The following MLLT1 variants were observed in gnomAD, a reference collection of about 807,000 sequenced individuals.
MLLT1 encodes protein ENL.
In MLLT1, 11 loss-of-function variants were observed where a neutral mutation model predicts 55.1. The observed-to-expected ratio is 0.20, with a 90% CI of 0.13 to 0.33. The LOEUF (loss-of-function observed/expected upper bound fraction) is 0.33, where lower values mean the gene tolerates loss of function less well. Among genes scored for constraint, MLLT1 ranks in the 10% least tolerant of loss-of-function variants. The probability of loss-of-function intolerance (pLI) is 1.00; values close to 1 mark genes in which losing one functional copy is unlikely to be tolerated. For synonymous variants in MLLT1, 323 were observed against 320.1 expected, an observed-to-expected ratio of 1.01 and a Z score of -0.10; for missense variants, 536 against 760.6, an observed-to-expected ratio of 0.70 and a Z score of 3.47.
At chr19:6,236,794 C>T (rs1252621713) in intron 3 of MLLT1, among the ~76,000 whole-genome samples, 2 of 152,232 alleles carry the variant, frequency 1.3e-5, no homozygotes, top group South Asian at 2.1e-4. Flanking sequence ...GCCCCTGAGG[C>T]CTGGCAGCAG....
chr19:6,215,748 C>T (rs2090836292), intron 8 of MLLT1, among the ~76,000 whole-genome samples: 1 of 152,186 alleles, frequency 6.6e-6, no homozygotes, highest in African/African-American at 2.4e-5. Context: ...GGCTCTGCTA[C>T]AGCTTTGGAA....
chr19:6,233,392 C>T lies in MLLT1; in HGVS notation c.277-2679G>A, dbSNP rs552615337. Among the ~76,000 whole-genome samples, 15 of 152,298 alleles carry T rather than the reference C, an allele frequency of 9.8e-5. No individual in the cohort carries two copies. In the East Asian group the frequency reaches 2.5e-3, roughly 25 times the overall value. On this transcript the variant is annotated intron_variant, in intron 3 of 11. Coordinates refer to ENST00000252674, the MANE Select transcript of MLLT1 (RefSeq NM_005934.4). ...CCGATCCAAGGCCAGCGGGTGTGGC[C>T]GACAGTGACCTTGTGTGGGGAAAGC...
chr19:6,232,891 C>T (rs191643961), intron 3 of MLLT1, among the ~76,000 whole-genome samples: 16 of 152,166 alleles, frequency 1.1e-4, no homozygotes, highest in African/African-American at 3.4e-4. Flanking sequence ...TGCAGTCCAC[C>T]GGGATAAAAA....
In MLLT1 at chr19:6,231,165, A is replaced by C. The variant is rs1229886405; in HGVS notation, c.277-452T>G. ...GACAGACGCAGGACACAGGACACAG[A>C]CTCAAACGACAGCACAGCACCCAGA... On this transcript the variant is annotated intron_variant, in intron 3 of 11. Transcript: ENST00000252674. The surrounding 1 kb of genome is among the most constrained non-coding windows in gnomAD (Gnocchi z 5.1). 1.3e-5 allele frequency among the ~76,000 whole-genome samples: 2 copies of C among 152,118 alleles called. No homozygotes were observed. The highest frequency in any genetic ancestry group is 2.1e-4 in the South Asian group (1 of 4,830).
rs1298789469 is a variant in MLLT1 at position 6,211,494 on chromosome 19, G to A, written c.*1548C>T. On this transcript the variant is annotated 3_prime_UTR_variant, in exon 12 of 12. Transcript: ENST00000252674. The surrounding 1 kb of genome is among the most constrained non-coding windows in gnomAD (Gnocchi z 4.6). ...GCTGACAGAATCAGAGCAGGGACAA[G>A]ATGAGGGACCTCAGGGAGGGACAGA... 3 of 558,590 alleles carry A rather than the reference G, an allele frequency of 5.4e-6. No individual in the cohort carries two copies. The highest frequency in any genetic ancestry group is 5.6e-5 in the East Asian group (1 of 17,792). The allele number at this position is 558,590 out of a possible 1,614,324, so 34.6% of individuals were successfully genotyped here.
chr19:6,222,092 T>TGGCTGCCCTGCCCCC lies in MLLT1; in HGVS notation c.1110+14_1110+28dup, dbSNP rs2090904000. The TGGCTGCCCTGCCCCC allele has an allele frequency of 6.8e-7, 1 of 1,466,362 alleles. No individual in the cohort carries two copies. The allele number at this position is 1,466,362 out of a possible 1,614,324, so 90.8% of individuals were successfully genotyped here. A position where few individuals can be genotyped will look rare whatever the true frequency, so the allele number is the denominator to read the frequency against. ...CGGGTCCCACCACACTGCCTGCACC[T>TGGCTGCCCTGCCCCC]GGCTGCCCTGCCCCCAGCACTCACT... On this transcript the variant is annotated intron_variant, in intron 6 of 11. Coordinates refer to ENST00000252674, the MANE Select transcript of MLLT1 (RefSeq NM_005934.4). The surrounding 1 kb of genome is among the most constrained non-coding windows in gnomAD (Gnocchi z 4.1).
intron 3 of MLLT1, among the ~76,000 whole-genome samples, chr19:6,247,357 G>A (rs1231707779): frequency 2.0e-5 from 3 of 152,300 alleles, no homozygotes; most frequent in African/African-American, 7.2e-5. Flanking sequence ...CTGGGGCAGG[G>A]AAATACACGG....
At position 6,272,805 on chromosome 19, in the gene MLLT1, C is replaced by T. The variant is rs763964251; in HGVS notation, c.13-2046G>A. On this transcript the variant is annotated intron_variant, in intron 1 of 11. Coordinates refer to ENST00000252674, the MANE Select transcript of MLLT1 (RefSeq NM_005934.4). ...GGTGGCAGATAAGGACAGGCCAGTT[C>T]CAGCATGTGGAAGAACTGGCCAGAG... Among the ~76,000 whole-genome samples the T allele has an allele frequency of 8.3e-4, 126 of 152,288 alleles. 1 individual carries two copies. Among genetic ancestry groups the T allele is most frequent in the Middle Eastern group, 3.4e-3 (1 of 294 alleles).
intron 8 of MLLT1, among the ~76,000 whole-genome samples, chr19:6,215,016 C>T (rs1023940886): frequency 1.3e-5 from 2 of 152,182 alleles, no homozygotes; most frequent in African/African-American, 4.8e-5. Flanking sequence ...GTTGCCCAGG[C>T]GACGCCCCTG....
chr19:6,224,880 C>T (rs1353904976), intron 5 of MLLT1, among the ~76,000 whole-genome samples: 1 of 152,180 alleles, frequency 6.6e-6, no homozygotes, highest in South Asian at 2.1e-4. Context: ...CAGGCGCCCG[C>T]CACCACGCCC....
chr19:6,232,920 T>A (rs1600186491), intron 3 of MLLT1, among the ~76,000 whole-genome samples: 1 of 152,150 alleles, frequency 6.6e-6, no homozygotes, highest in African/African-American at 2.4e-5. Flanking sequence ...AGGATGGGCG[T>A]CCCGTGAAGG....
chr19:6,217,935 A>G lies in MLLT1; in HGVS notation c.1198+19T>C. 1 of 1,586,100 alleles carries G rather than the reference A, an allele frequency of 6.3e-7. No individual in the cohort carries two copies. Among genetic ancestry groups the G allele is most frequent in the Non-Finnish European group, 8.6e-7 (1 of 1,167,758 alleles). On this transcript the variant is annotated intron_variant, in intron 7 of 11. Transcript: ENST00000252674. ...CTCCCCGGCCCCATCCGTGCCCCCC[A>G]GCTGCTCTCCATACACACCTTGGCT...
intron 3 of MLLT1, among the ~76,000 whole-genome samples, chr19:6,261,414 G>A (rs2091304541): frequency 6.6e-6 from 1 of 152,172 alleles, no homozygotes; most frequent in Admixed American, 6.5e-5. Flanking sequence ...ACGCAGCCCG[G>A]CACCGCCAGG....
At chr19:6,274,281 G>A (rs1324305445) in intron 1 of MLLT1, among the ~76,000 whole-genome samples, 2 of 152,268 alleles carry the variant, frequency 1.3e-5, no homozygotes, top group East Asian at 3.8e-4. Context: ...ACGTCAACGG[G>A]AGGCAAGAAG....
rs762651197 is a variant in MLLT1 at position 6,226,827 on chromosome 19, C to A, written c.546+150G>T. 5 of 489,006 alleles carry A rather than the reference C, an allele frequency of 1.0e-5. No homozygotes were observed. The highest frequency in any genetic ancestry group is 1.8e-5 in the Non-Finnish European group (5 of 284,778). 30.3% of individuals were successfully genotyped at this position (489,006 alleles called of 1,614,324 possible). A position where few individuals can be genotyped will look rare whatever the true frequency, so the allele number is the denominator to read the frequency against. ...ATCCTAGGGAAGCGGCAGTGCGCAG[C>A]GAGGGGTGTGCAGAGAGCTCAAAGA... is the stretch of plus-strand genomic sequence containing the variant. On this transcript the variant is annotated intron_variant, in intron 5 of 11. Coordinates refer to ENST00000252674, the MANE Select transcript of MLLT1 (RefSeq NM_005934.4). The surrounding 1 kb of genome is among the most constrained non-coding windows in gnomAD (Gnocchi z 6.3).
At chr19:6,258,835 C>G (rs56021265) in intron 3 of MLLT1, among the ~76,000 whole-genome samples, 2 of 152,340 alleles carry the variant, frequency 1.3e-5, no homozygotes, top group African/African-American at 2.4e-5. Flanking sequence ...TTTGGGCCCT[C>G]TGAGGTCTGA....
At chr19:6,263,889 G>A (rs989307476) in intron 2 of MLLT1, among the ~76,000 whole-genome samples, 4 of 151,478 alleles carry the variant, frequency 2.6e-5, no homozygotes, top group Admixed American at 6.6e-5. Context: ...CTGGCTGAGC[G>A]GAGGGCAGGA....
intron 2 of MLLT1, among the ~76,000 whole-genome samples, chr19:6,267,525 A>G (rs998554273): frequency 2.3e-4 from 35 of 152,344 alleles, no homozygotes; most frequent in African/African-American, 8.4e-4. Flanking sequence ...GCCACAGACC[A>G]AATGTGAAGC....
At chr19:6,266,135 T>C (rs1270878430) in intron 2 of MLLT1, among the ~76,000 whole-genome samples, 1 of 150,138 alleles carries the variant, frequency 6.7e-6, no homozygotes, top group Admixed American at 6.6e-5. Context: ...AAAAGTTAGC[T>C]GGGTATGGTG....
Sources: gnomAD v4.1 joint callset for allele counts (sites outside exome capture counted in the v4.1 genomes callset) on GRCh38, gnomAD v4.1.1 for gene constraint, Gnocchi (gnomAD v3.1) non-coding constraint, MANE v1.5 for transcripts, NCBI Gene and HGNC (gene_info 2026-07-23, HGNC 2026-07-21) for gene names.